Variants in NOX4 observed in about 807,000 individuals in gnomAD.
The protein encoded by NOX4 is kidney oxidase-1.
Under a neutral mutation model 87.6 loss-of-function variants are expected in NOX4, and 69 were observed. That is an observed-to-expected ratio of 0.79 (90% CI 0.65 to 0.96). The LOEUF (loss-of-function observed/expected upper bound fraction) is 0.96, where lower values mean the gene tolerates loss of function less well. Ranked by LOEUF, NOX4 falls within the 40% of genes least tolerant of loss-of-function variation. NOX4 has a pLI of 0.00. For missense variants in NOX4, 680 were observed against 681.5 expected (o/e 1.00, Z 0.02); for synonymous variants, 275 against 238.2 (o/e 1.15, Z -1.42).
At chr11:89,370,100 T>G (rs1939328482) in intron 12 of NOX4, among the ~76,000 whole-genome samples, 1 of 151,948 alleles carries the variant, frequency 6.6e-6, no homozygotes, top group South Asian at 2.1e-4. Context: ...TAAGATTACT[T>G]GCACTGTGAG....
intron 11 of NOX4, among the ~76,000 whole-genome samples, chr11:89,391,955 TTCC>T: frequency 7.0e-6 from 1 of 143,622 alleles, no homozygotes; most frequent in Non-Finnish European, 1.5e-5. Context: ...CCCCTTCTCC[TTCC>T]TTCCTTCCTT....
intron 2 of NOX4, among the ~76,000 whole-genome samples, chr11:89,480,567 G>A (rs892921229): frequency 1.3e-5 from 2 of 152,068 alleles, no homozygotes; most frequent in Admixed American, 6.6e-5. Flanking sequence ...GAAAGAAGAC[G>A]ACTGACATTT....
intron 7 of NOX4, among the ~76,000 whole-genome samples, chr11:89,423,953 G>A (rs1943228960): frequency 6.6e-6 from 1 of 151,960 alleles, no homozygotes; most frequent in African/African-American, 2.4e-5. Flanking sequence ...CGTGATCCTA[G>A]CTACTAGGGA....
intron 11 of NOX4, among the ~76,000 whole-genome samples, chr11:89,397,041 A>T (rs1311749910): frequency 6.6e-6 from 1 of 152,162 alleles, no homozygotes; most frequent in Non-Finnish European, 1.5e-5. Context: ...CATTACACTT[A>T]TTCCAAAATT....
the NOX4 span, among the ~76,000 whole-genome samples, chr11:89,565,991 C>G: frequency 1.9e-4 from 29 of 151,644 alleles, no homozygotes; most frequent in African/African-American, 6.8e-4. Context: ...TGATTTAAGA[C>G]AGCTGCATCT....
In NOX4 at chr11:89,324,870, A is replaced by T. The variant is rs1945158809; in HGVS notation, c.*1886T>A. Reference sequence around the variant, plus strand: ...TTTGGGTTCATCTTCTTTCCATAGAAAGGAGAATTTCAAGGAAAGGAAGAA... The same window carrying T: ...TTTGGGTTCATCTTCTTTCCATAGATAGGAGAATTTCAAGGAAAGGAAGAA... On this transcript the variant is annotated 3_prime_UTR_variant, in exon 18 of 18. Coordinates refer to ENST00000263317, the MANE Select transcript of NOX4 (RefSeq NM_016931.5). 6.6e-6 allele frequency: 1 copy of T among 152,186 alleles called. No individual in the cohort carries two copies. The highest frequency in any genetic ancestry group is 2.4e-5 in the African/African-American group (1 of 41,456). 9.4% of individuals were successfully genotyped at this position (152,186 alleles called of 1,614,324 possible).
intron 7 of NOX4, among the ~76,000 whole-genome samples, chr11:89,432,271 G>A (rs1362881278): frequency 6.6e-6 from 1 of 151,642 alleles, no homozygotes; most frequent in Non-Finnish European, 1.5e-5. Context: ...AATGGGTGCG[G>A]CACACCAACA....
the NOX4 span, among the ~76,000 whole-genome samples, chr11:89,581,236 C>T: frequency 2.0e-5 from 3 of 152,062 alleles, no homozygotes; most frequent in Admixed American, 6.6e-5. Context: ...GATATTAAAA[C>T]GATTAAGAGT....
At chr11:89,474,996 C>T (rs11826748) in intron 2 of NOX4, among the ~76,000 whole-genome samples, 4,498 of 151,716 alleles carry the variant, frequency 0.03, 179 homozygotes, top group African/African-American at 0.071. Context: ...CAGAAGCCAA[C>T]TGCATTTGCA....
chr11:89,559,916 C>A, the NOX4 span, among the ~76,000 whole-genome samples: 1 of 152,122 alleles, frequency 6.6e-6, no homozygotes, highest in Non-Finnish European at 1.5e-5. Context: ...GCAATCCCAT[C>A]ATGCTGATGC....
intron 17 of NOX4, among the ~76,000 whole-genome samples, chr11:89,331,094 A>G (rs1199211772): frequency 6.6e-6 from 1 of 152,002 alleles, no homozygotes; most frequent in African/African-American, 2.4e-5. Flanking sequence ...CTGGGCAATA[A>G]AACAGGTGTC....
chr11:89,405,318 G>A (rs773651859), intron 8 of NOX4, among the ~76,000 whole-genome samples: 4 of 152,054 alleles, frequency 2.6e-5, no homozygotes, highest in East Asian at 3.9e-4. Context: ...AAAGTGGCAC[G>A]TATTATTCTA....
chr11:89,579,289 GATGTAAACT>G, the NOX4 span, among the ~76,000 whole-genome samples: 1 of 152,106 alleles, frequency 6.6e-6, no homozygotes, highest in Non-Finnish European at 1.5e-5. Flanking sequence ...AGTAAATCCT[GATGTAAACT>G]ATGGGCTTTG....
chr11:89,365,270 GCTT>G (rs1282776360), intron 12 of NOX4, among the ~76,000 whole-genome samples: 1 of 151,986 alleles, frequency 6.6e-6, no homozygotes, highest in East Asian at 1.9e-4. Flanking sequence ...TCATTATTTT[GCTT>G]CTTATTTGTT....
the NOX4 span, among the ~76,000 whole-genome samples, chr11:89,537,483 C>T: frequency 1.7e-3 from 252 of 151,694 alleles, no homozygotes; most frequent in African/African-American, 5.7e-3. Context: ...CTTGTAAACA[C>T]CCTTTTATAT....
chr11:89,442,394 C>G (rs1431523630), intron 5 of NOX4, among the ~76,000 whole-genome samples: 2 of 152,114 alleles, frequency 1.3e-5, no homozygotes, highest in Non-Finnish European at 2.9e-5. Flanking sequence ...AATTCTACAA[C>G]TACAGATCTG....
upstream of NOX4, chr11:89,498,618 C>G (rs1946984957): frequency 6.6e-6 from 1 of 152,030 alleles, no homozygotes; most frequent in Non-Finnish European, 1.5e-5. Flanking sequence ...CCTTTGGATC[C>G]CATGGGAAAA....
intron 11 of NOX4, among the ~76,000 whole-genome samples, chr11:89,382,435 A>T (rs1591072032): frequency 7.0e-6 from 1 of 141,972 alleles, no homozygotes; most frequent in South Asian, 2.2e-4. Context: ...TTTTGTCGTA[A>T]AATGGGCAAA....
At chr11:89,559,949 T>C in the NOX4 span, among the ~76,000 whole-genome samples, 10 of 152,140 alleles carry the variant, frequency 6.6e-5, no homozygotes, top group Non-Finnish European at 1.5e-4. Context: ...ATGGGTTGCA[T>C]TGTGTCCTGC....
Sources: allele counts gnomAD v4.1 joint callset (sites outside exome capture counted in the v4.1 genomes callset), GRCh38; gene constraint gnomAD v4.1.1; transcripts MANE v1.5; gene names NCBI Gene and HGNC (gene_info 2026-07-23, HGNC 2026-07-21).